ACAT1: variants seen among roughly 807,000 people sequenced by gnomAD.
ACAT1 encodes the protein acetyl-CoA acetyltransferase, mitochondrial.
A neutral mutation model predicts 47.3 loss-of-function variants in ACAT1; 28 were observed. The observed-to-expected ratio is 0.59, with a 90% CI of 0.44 to 0.81. The LOEUF (loss-of-function observed/expected upper bound fraction) is 0.81. Ranked by LOEUF, ACAT1 falls within the 30% of genes least tolerant of loss-of-function variation. The probability of loss-of-function intolerance (pLI) is 0.00; values close to 1 mark genes in which losing one functional copy is unlikely to be tolerated. For missense variants in ACAT1, 469 were observed against 524.3 expected (o/e 0.89, Z 1.03); for synonymous variants, 181 against 173.6 (o/e 1.04, Z -0.34).
intron 11 of ACAT1, 25 bp from the exon 12 acceptor site, chr11:108,147,245 G>C (rs1241604865): frequency 6.2e-7 from 1 of 1,612,668 alleles, no homozygotes; most frequent in South Asian, 1.1e-5. Context: ...CTTCATTAAA[G>C]AAGTAAATGC....
rs1278429546 is a variant in ACAT1 at position 108,121,692 on chromosome 11, G to T, written c.72+14G>T. ...AGGCTGGTGCAGGTGAGCGGGGTTC[G>T]TCCCCACAGCACTCAGACCCGGGAT... On this transcript the variant is annotated intron_variant, in intron 1 of 11. Transcript: ENST00000265838. 6.5e-7 allele frequency: 1 copy of T among 1,547,212 alleles called. No homozygotes were observed.
chr11:108,136,443 G>C (rs898964861), intron 5 of ACAT1: 2 of 213,566 alleles, frequency 9.4e-6, no homozygotes, highest in Non-Finnish European at 1.8e-5. Flanking sequence ...ACCACCACTG[G>C]GTGGTACCAA....
intron 1 of ACAT1, among the ~76,000 whole-genome samples, chr11:108,130,316 CAT>C (rs1032245190): frequency 1.3e-5 from 2 of 152,058 alleles, no homozygotes; most frequent in African/African-American, 4.8e-5. Context: ...TTGAGAAAGA[CAT>C]GTGTTTGGAG....
At position 108,146,272 on chromosome 11, in the gene ACAT1, T is replaced by C; in HGVS notation, c.1076T>C (p.Val359Ala). The C allele has an allele frequency of 6.2e-7, 1 of 1,613,782 alleles. No homozygotes were observed. ...MWEVNEAFSL[V>A]VLANIKMLEI... ...GAAGTAAATGAAGCCTTTAGTCTGG[T>C]TGTACTAGCAAACATTAAAATGTTG... The change falls in exon 11 of 12, where the codon GTT becomes GCT. Residue 359 changes from valine to alanine, a missense_variant. Physicochemically the swap from Val to Ala is moderately conservative, Grantham distance 64 (BLOSUM62 0). Coordinates refer to ENST00000265838, the MANE Select transcript of ACAT1 (RefSeq NM_000019.4).
At position 108,121,657 on chromosome 11, in the gene ACAT1, C is replaced by G. The variant is rs765733417; in HGVS notation, c.51C>G (p.Pro17=). 3 of 1,549,672 alleles carry G rather than the reference C, an allele frequency of 1.9e-6. No individual in the cohort carries two copies. Among genetic ancestry groups the G allele is most frequent in the Non-Finnish European group, 2.6e-6 (3 of 1,147,260 alleles). Residue 17 remains proline, a synonymous_variant, in exon 1 of 12, where the codon CCC becomes CCG. Coordinates refer to ENST00000265838, the MANE Select transcript of ACAT1 (RefSeq NM_000019.4). ...GCAGCGGCGCCCGCAGCCGCAGCCC[C>G]CTGCTCCGGAGGCTGGTGCAGGTGA... ...LLRSGARSRS[P]LLRRLVQEIR...
At chr11:108,141,336 T>C (rs2077579949) in intron 7 of ACAT1, among the ~76,000 whole-genome samples, 1 of 121,510 alleles carries the variant, frequency 8.2e-6, no homozygotes, top group Admixed American at 1.1e-4. Flanking sequence ...ACTGTGATCA[T>C]GCCAGCCTAA....
intron 1 of ACAT1, among the ~76,000 whole-genome samples, chr11:108,123,957 C>A (rs2077199609): frequency 6.6e-6 from 1 of 152,138 alleles, no homozygotes; most frequent in Admixed American, 6.5e-5. Flanking sequence ...TTGTGCCAGT[C>A]TTGGGCTTAT....
chr11:108,135,328 G>A, intron 5 of ACAT1, 86 bp downstream of exon 5: 1 of 947,452 alleles, frequency 1.1e-6, no homozygotes, highest in South Asian at 1.4e-5. Context: ...TCATATTTTA[G>A]AAATGAGATT....
intron 1 of ACAT1, 97 bp from the exon 2 acceptor site, chr11:108,131,810 T>C (rs1346002438): frequency 2.0e-6 from 1 of 491,080 alleles, no homozygotes; most frequent in Admixed American, 4.0e-5. Flanking sequence ...AGCATAAGGA[T>C]GCAGGAAGAA....
chr11:108,126,864 C>T (rs2077258931), intron 1 of ACAT1, among the ~76,000 whole-genome samples: 1 of 145,454 alleles, frequency 6.9e-6, no homozygotes, highest in African/African-American at 2.6e-5. Context: ...GCAATCTCAG[C>T]TCACTGCAAC....
At chr11:108,146,112 T>C in intron 10 of ACAT1, 90 bp from the exon 11 acceptor site, 1 of 1,138,406 alleles carries the variant, frequency 8.8e-7, no homozygotes, top group South Asian at 1.3e-5. Flanking sequence ...TTAAATAACT[T>C]ATGTCAAACT....
At chr11:108,125,371 C>T (rs940517083) in intron 1 of ACAT1, among the ~76,000 whole-genome samples, 27 of 152,064 alleles carry the variant, frequency 1.8e-4, no homozygotes, top group African/African-American at 5.3e-4. Context: ...TTTTGTCATT[C>T]GTTTCTGATA....
At chr11:108,136,391 C>T in intron 5 of ACAT1, 1 of 286,086 alleles carries the variant, frequency 3.5e-6, no homozygotes, top group Non-Finnish European at 6.4e-6. Flanking sequence ...AAAGTTGTAC[C>T]AGTTAGACTT....
upstream of ACAT1, among the ~76,000 whole-genome samples, chr11:108,117,704 G>A (rs1864980310): frequency 6.6e-6 from 1 of 152,132 alleles, no homozygotes; most frequent in African/African-American, 2.4e-5. Context: ...GACAGAAGTT[G>A]TTCGTTGTAG....
At chr11:108,136,586 T>C (rs2077473041) in intron 5 of ACAT1, 1 of 152,592 alleles carries the variant, frequency 6.6e-6, no homozygotes, top group Admixed American at 6.5e-5. Context: ...TGAAATACTT[T>C]CATTTAATAT....
Position 108,135,375 on chromosome 11 carries a change from A to G in ACAT1, c.435+133A>G, listed in dbSNP as rs1045674542. On this transcript the variant is annotated intron_variant, in intron 5 of 11. Transcript: ENST00000265838. ...GTTAGTATGTTTTCTCACATGCTCA[A>G]GAGTGTCTGGATTTGCTAAGTCCAT... 5.5e-6 allele frequency: 4 copies of G among 724,628 alleles called. No homozygotes were observed. The African/African-American group carries it at 7.0e-5, about 13-fold the overall frequency. 44.9% of individuals were successfully genotyped at this position (724,628 alleles called of 1,614,324 possible). A position where few individuals can be genotyped will look rare whatever the true frequency, so the allele number is the denominator to read the frequency against.
chr11:108,124,208 C>T (rs1292086811), intron 1 of ACAT1, among the ~76,000 whole-genome samples: 2 of 152,204 alleles, frequency 1.3e-5, no homozygotes, highest in African/African-American at 2.4e-5. Context: ...AACCTTGCTT[C>T]TTCCCTTTGA....
intron 4 of ACAT1, 32 bp from the exon 5 acceptor site, chr11:108,135,110 G>T (rs377357276): frequency 6.7e-7 from 1 of 1,496,650 alleles, no homozygotes; most frequent in African/African-American, 1.4e-5. Flanking sequence ...TTTGAGTATC[G>T]GTTTTTCAAA....
At position 108,140,175 on chromosome 11, in the gene ACAT1, AT is replaced by A; in HGVS notation, c.693del (p.Phe231LeufsTer12). ...RSKAAWEAGKFGNEVIPVTVT... is the reference protein window; with the variant it reads ...RSKAAWEAGKXGNEVIPVTVT... ...GTAAAGCAGCATGGGAAGCTGGGAA[AT>A]TTGGAAATGAAGTTATTCCTGTCAC... On this transcript the variant is annotated frameshift_variant, in exon 7 of 12. Transcript: ENST00000265838. LOFTEE classifies it high-confidence loss of function. 6.2e-7 allele frequency: 1 copy of A among 1,614,188 alleles called. No individual in the cohort carries two copies. Among genetic ancestry groups the A allele is most frequent in the Non-Finnish European group, 8.5e-7 (1 of 1,180,028 alleles).
Sources: gnomAD v4.1 joint callset for allele counts (sites outside exome capture counted in the v4.1 genomes callset) on GRCh38, gnomAD v4.1.1 for gene constraint, MANE v1.5 for transcripts, NCBI Gene and HGNC (gene_info 2026-07-23, HGNC 2026-07-21) for gene names.